The following DIP2C variants were observed in gnomAD, a reference collection of about 807,000 sequenced individuals.
DIP2C encodes the protein disco-interacting protein 2 homolog C.
A neutral mutation model predicts 192.4 loss-of-function variants in DIP2C; 33 were observed. The observed-to-expected ratio is 0.17, with a 90% confidence interval of 0.13 to 0.23. The LOEUF is 0.23. Among genes scored for constraint, DIP2C ranks in the 10% least tolerant of loss-of-function variants. DIP2C has a pLI of 1.00. For missense variants in DIP2C, 1,537 were observed against 2,110.1 expected (o/e 0.73, Z 5.32); for synonymous variants, 979 against 864.1 (o/e 1.13, Z -2.33).
At chr10:415,699 G>C in intron 7 of DIP2C, 70 bp downstream of exon 7, 1 of 1,576,920 alleles carries the variant, frequency 6.3e-7, no homozygotes, top group South Asian at 1.2e-5. Flanking sequence ...TAGCCTTGCA[G>C]AAAAAAATAT....
In DIP2C at chr10:327,003, C is replaced by T. The variant is rs1344984913; in HGVS notation, c.3924+3G>A. ...TCAGCACTGTGATGTCGCCGAATCT[C>T]ACCTGCAAGCAAATCGCCAGGTTCA... On this transcript the variant is annotated splice_donor_region_variant and intron_variant, in intron 31 of 36. Transcript: ENST00000280886. 1 of 1,610,808 alleles carries T rather than the reference C, an allele frequency of 6.2e-7. No individual in the cohort carries two copies. The highest frequency in any genetic ancestry group is 8.5e-7 in the Non-Finnish European group (1 of 1,178,416).
chr10:414,193 A>G (rs1279927625), intron 7 of DIP2C, 83 bp from the exon 8 acceptor site: 1 of 1,437,036 alleles, frequency 7.0e-7, no homozygotes, highest in African/African-American at 1.4e-5. Context: ...AAAGAAGCCA[A>G]GAGATTTATA....
intron 32 of DIP2C, among the ~76,000 whole-genome samples, chr10:289,394 G>C (rs1459411550): frequency 1.3e-5 from 2 of 152,124 alleles, no homozygotes; most frequent in African/African-American, 4.8e-5. Flanking sequence ...TCAGCCTCCT[G>C]AGTTGCTAGG....
intron 32 of DIP2C, among the ~76,000 whole-genome samples, chr10:291,607 T>C (rs1214758573): frequency 6.6e-6 from 1 of 152,216 alleles, no homozygotes; most frequent in Non-Finnish European, 1.5e-5. Flanking sequence ...CAGGTGATCT[T>C]GGTTGTTCTC....
intron 9 of DIP2C, among the ~76,000 whole-genome samples, chr10:407,295 T>C (rs960571517): frequency 6.6e-6 from 1 of 152,234 alleles, no homozygotes; most frequent in Non-Finnish European, 1.5e-5. Flanking sequence ...ATGTGTTATG[T>C]GTCAGAACTT....
At chr10:394,490 ATTATGCCACACAGTGGGCG>A (rs1963795011) in intron 10 of DIP2C, among the ~76,000 whole-genome samples, 5 of 149,688 alleles carry the variant, frequency 3.3e-5, no homozygotes, top group Admixed American at 6.6e-5. Context: ...CCGGAAGGAC[ATTATGCCACACAGTGGGCG>A]CTATTCAGCC....
At chr10:580,483 TC>T (rs1339487602) in intron 1 of DIP2C, among the ~76,000 whole-genome samples, 2 of 152,172 alleles carry the variant, frequency 1.3e-5, no homozygotes, top group African/African-American at 4.8e-5. Context: ...CAGATACATG[TC>T]CAAATAGTGT....
At chr10:473,544 ACGT>A (rs1181471553) in intron 2 of DIP2C, among the ~76,000 whole-genome samples, 1 of 151,378 alleles carries the variant, frequency 6.6e-6, no homozygotes, top group Non-Finnish European at 1.5e-5. Flanking sequence ...CACAGGAAGG[ACGT>A]CATCCTATGT....
chr10:500,167 C>T (rs1182432954), intron 1 of DIP2C, among the ~76,000 whole-genome samples: 1 of 152,262 alleles, frequency 6.6e-6, no homozygotes, highest in Non-Finnish European at 1.5e-5. Context: ...CCCCTGCAGG[C>T]AATGTGCCAG....
intron 1 of DIP2C, among the ~76,000 whole-genome samples, chr10:606,849 G>A (rs527823097): frequency 1.1e-3 from 172 of 152,288 alleles, no homozygotes; most frequent in African/African-American, 3.8e-3. Context: ...CGTCAGTGAC[G>A]GACGCCACAG....
intron 1 of DIP2C, among the ~76,000 whole-genome samples, chr10:495,000 A>G: frequency 6.6e-6 from 1 of 152,232 alleles, no homozygotes; most frequent in East Asian, 1.9e-4. Flanking sequence ...CCATCAGTGG[A>G]TGAACAGAGA....
At chr10:519,217 G>A (rs770647377) in intron 1 of DIP2C, among the ~76,000 whole-genome samples, 4 of 152,160 alleles carry the variant, frequency 2.6e-5, no homozygotes, top group Admixed American at 2.6e-4. Context: ...GCCACTAGCT[G>A]CCCCGGCCAC....
At chr10:668,634 C>G (rs1857260176) in intron 1 of DIP2C, 2 of 152,242 alleles carry the variant, frequency 1.3e-5, no homozygotes, top group Non-Finnish European at 2.9e-5. Context: ...CCATGCCACT[C>G]ACATACAACA....
chr10:467,565 T>TAAAAAAA (rs71376835), intron 3 of DIP2C, among the ~76,000 whole-genome samples: 1 of 130,408 alleles, frequency 7.7e-6, no homozygotes. Flanking sequence ...TATTTAAGTG[T>TAAAAAAA]AAAAAAAAAA....
At chr10:487,703 G>A (rs892043462) in intron 1 of DIP2C, among the ~76,000 whole-genome samples, 4 of 147,392 alleles carry the variant, frequency 2.7e-5, no homozygotes, top group African/African-American at 1.0e-4. Flanking sequence ...TCAGCCTCCC[G>A]AGTAGCTGAG....
chr10:310,083 C>T lies in DIP2C; in HGVS notation c.3934G>A (p.Gly1312Arg). 1 of 1,614,194 alleles carries T rather than the reference C, an allele frequency of 6.2e-7. No homozygotes were observed. The highest frequency in any genetic ancestry group is 8.5e-7 in the Non-Finnish European group (1 of 1,180,028). The change falls in exon 32 of 37, where the codon GGA becomes AGA. Residue 1312 changes from glycine (G) to arginine (R), a missense_variant. Physicochemically the swap from Gly to Arg is moderately radical, Grantham distance 125. This residue lies in a region of DIP2C where 341 missense variants were observed against 551.7 expected (regional missense o/e 0.62). Transcript: ENST00000280886. ...NLAICLQGTS[G>R]PDPTTVYVDM... ...ACGTAGACAGTGGTTGGGTCAGGTC[C>T]TGAGGTTCCCTGCAAGCAACAACAG...
chr10:508,455 G>T (rs1044043592), intron 1 of DIP2C, among the ~76,000 whole-genome samples: 5 of 152,156 alleles, frequency 3.3e-5, no homozygotes, highest in Non-Finnish European at 7.3e-5. Context: ...TACCTAACTG[G>T]ATAATTTCAT....
chr10:337,744 G>C (rs566107418), intron 29 of DIP2C, among the ~76,000 whole-genome samples: 67 of 100,716 alleles, frequency 6.7e-4, no homozygotes, highest in African/African-American at 2.2e-3. Context: ...TGTTGTGGAG[G>C]ACTAGGCTGA....
chr10:309,101 A>T (rs1564535127), intron 32 of DIP2C, among the ~76,000 whole-genome samples: 1 of 152,192 alleles, frequency 6.6e-6, no homozygotes, highest in Non-Finnish European at 1.5e-5. Flanking sequence ...ATGAACGGGC[A>T]CCTCTACAGT....
Sources: gnomAD v4.1 joint callset for allele counts (sites outside exome capture counted in the v4.1 genomes callset) on GRCh38, gnomAD v4.1.1 for gene constraint, gnomAD v4.1.1 regional missense constraint, MANE v1.5 for transcripts, NCBI Gene and HGNC (gene_info 2026-07-23, HGNC 2026-07-21) for gene names.